SHISA9: variants seen among roughly 807,000 people sequenced by gnomAD.
SHISA9 encodes the protein protein shisa-9.
In SHISA9, 13 loss-of-function variants were observed where a neutral mutation model predicts 38.0. The observed-to-expected ratio is 0.34, with a 90% CI of 0.22 to 0.54. SHISA9 has a LOEUF of 0.54. Ranked by LOEUF, SHISA9 falls within the 20% of genes least tolerant of loss-of-function variation. The pLI is 0.91. For missense variants in SHISA9, 538 were observed against 575.8 expected (o/e 0.93, Z 0.67); for synonymous variants, 275 against 242.0 (o/e 1.14, Z -1.27).
At chr16:13,163,858 T>C (rs561674267) in intron 2 of SHISA9, among the ~76,000 whole-genome samples, 8 of 152,200 alleles carry the variant, frequency 5.3e-5, no homozygotes, top group Admixed American at 2.0e-4. Context: ...TAAAATCACT[T>C]ATTAGTTGTA....
the SHISA9 span, among the ~76,000 whole-genome samples, chr16:13,356,516 G>C: frequency 0.98 from 148,549 of 152,190 alleles, 72,505 homozygotes; most frequent in East Asian, 1. Context: ...GGAACGAAAC[G>C]GTAAGCCAGA....
chr16:13,054,384 C>T (rs2073286954), intron 2 of SHISA9, among the ~76,000 whole-genome samples: 1 of 152,214 alleles, frequency 6.6e-6, no homozygotes, highest in Admixed American at 6.5e-5. Context: ...TCTTTCCCAT[C>T]CATCCTTTGG....
At chr16:13,407,484 G>A in the SHISA9 span, among the ~76,000 whole-genome samples, 1 of 152,124 alleles carries the variant, frequency 6.6e-6, no homozygotes, top group African/African-American at 2.4e-5. Context: ...CATCACACTG[G>A]CCATTAGGAT....
In SHISA9 at chr16:13,160,724, C is replaced by T. The variant is rs979607382; in HGVS notation, c.692-42670C>T. On this transcript the variant is annotated intron_variant, in intron 2 of 4. Transcript: ENST00000558583. ...AGGGGCTTAGTTTAAAGGCACAGCC[C>T]TCTGGACCTCCCATTTCACAACCTC... Among the ~76,000 whole-genome samples, 7 of 152,184 alleles carry T rather than the reference C, an allele frequency of 4.6e-5. No homozygotes were observed. The East Asian group carries it at 1.3e-3, about 29-fold the overall frequency.
rs1316996529 is a variant in SHISA9 at position 13,237,090 on chromosome 16, C to A, written c.*1681C>A. The A allele has an allele frequency of 6.6e-6, 1 of 152,136 alleles. No homozygotes were observed. The highest frequency in any genetic ancestry group is 6.5e-5 in the Admixed American group (1 of 15,274). 9.4% of individuals were successfully genotyped at this position (152,136 alleles called of 1,614,324 possible). A position where few individuals can be genotyped will look rare whatever the true frequency, so the allele number is the denominator to read the frequency against. ...TGGTAGTTAATTAACATTCAACAGA[C>A]CCACAGCAACTCTGGTGTCAGAAGC... On this transcript the variant is annotated 3_prime_UTR_variant, in exon 5 of 5. Coordinates refer to ENST00000558583, the MANE Select transcript of SHISA9 (RefSeq NM_001145204.3).
chr16:13,071,319 G>A (rs768833469), intron 2 of SHISA9, among the ~76,000 whole-genome samples: 5 of 152,150 alleles, frequency 3.3e-5, no homozygotes, highest in Non-Finnish European at 7.4e-5. Context: ...GGGTGGTTTT[G>A]AGCACTTTCT....
the SHISA9 span, among the ~76,000 whole-genome samples, chr16:13,262,656 G>GGAAA: frequency 1.0e-5 from 1 of 100,440 alleles, no homozygotes; most frequent in Non-Finnish European, 2.2e-5. Flanking sequence ...AAGGAAGGAA[G>GGAAA]GAAGGAAGGA....
the SHISA9 span, among the ~76,000 whole-genome samples, chr16:13,466,614 G>A: frequency 2.6e-5 from 4 of 152,152 alleles, no homozygotes; most frequent in South Asian, 8.3e-4. Context: ...GTCAGCTACA[G>A]CCACATGACC....
At chr16:13,278,795 A>G in the SHISA9 span, among the ~76,000 whole-genome samples, 2 of 151,376 alleles carry the variant, frequency 1.3e-5, no homozygotes, top group African/African-American at 4.9e-5. Flanking sequence ...GGTAATTTGG[A>G]TTTTTTCTCT....
the SHISA9 span, among the ~76,000 whole-genome samples, chr16:13,544,013 T>G: frequency 2.0e-5 from 3 of 151,992 alleles, no homozygotes; most frequent in East Asian, 1.9e-4. Context: ...TGCCTAAAAT[T>G]TTACAGGGAG....
At chr16:13,025,961 A>G (rs1156624068) in intron 2 of SHISA9, among the ~76,000 whole-genome samples, 1 of 152,062 alleles carries the variant, frequency 6.6e-6, no homozygotes, top group Non-Finnish European at 1.5e-5. Context: ...ATGCACCACC[A>G]TGCCCAGCTA....
chr16:13,283,732 T>C, the SHISA9 span, among the ~76,000 whole-genome samples: 2 of 151,918 alleles, frequency 1.3e-5, no homozygotes, highest in Non-Finnish European at 2.9e-5. Context: ...TCATCTAGGA[T>C]GTGTCTTTAT....
chr16:13,393,104 C>A, the SHISA9 span, among the ~76,000 whole-genome samples: 2 of 152,314 alleles, frequency 1.3e-5, no homozygotes, highest in African/African-American at 2.4e-5. Flanking sequence ...TGCCCTGAAC[C>A]AATCAGCTGG....
At chr16:13,135,969 A>C (rs1056093359) in intron 2 of SHISA9, among the ~76,000 whole-genome samples, 1 of 152,150 alleles carries the variant, frequency 6.6e-6, no homozygotes, top group Non-Finnish European at 1.5e-5. Context: ...GCCATTTGAA[A>C]CTGAGAGTTC....
intron 2 of SHISA9, among the ~76,000 whole-genome samples, chr16:13,019,755 TTTTCTTTCTTTTCTTTCTTTC>T (rs1567183725): frequency 1.3e-5 from 2 of 149,442 alleles, no homozygotes; most frequent in African/African-American, 2.5e-5. Context: ...CCTTCTTTTC[TTTTCTTTCTTTTCTTTCTTTC>T]TTTCTTTCTT....
At chr16:13,183,496 C>G (rs1031529813) in intron 2 of SHISA9, among the ~76,000 whole-genome samples, 6 of 152,210 alleles carry the variant, frequency 3.9e-5, no homozygotes, top group African/African-American at 1.4e-4. Context: ...GCATAAAATG[C>G]TTTTTCATGG....
intron 2 of SHISA9, among the ~76,000 whole-genome samples, chr16:13,131,921 T>G (rs936741987): frequency 6.6e-6 from 1 of 152,226 alleles, no homozygotes. Context: ...CCCGGACTCA[T>G]GGGTTTGCCA....
intron 2 of SHISA9, among the ~76,000 whole-genome samples, chr16:13,112,626 A>AT (rs200646860): frequency 0.027 from 4,019 of 148,584 alleles, 181 homozygotes; most frequent in African/African-American, 0.093. Context: ...TGAGTTCGTG[A>AT]TTTTTTTTTT....
At chr16:13,559,976 T>TAA in the SHISA9 span, among the ~76,000 whole-genome samples, 3 of 152,188 alleles carry the variant, frequency 2.0e-5, no homozygotes, top group Non-Finnish European at 2.9e-5. Context: ...GAACTCTGTT[T>TAA]ATCAGTCAAG....
Sources: allele counts gnomAD v4.1 joint callset (sites outside exome capture counted in the v4.1 genomes callset), GRCh38; gene constraint gnomAD v4.1.1; transcripts MANE v1.5; gene names NCBI Gene and HGNC (gene_info 2026-07-23, HGNC 2026-07-21).